TCF12: variants seen among roughly 807,000 people sequenced by gnomAD.
The protein encoded by TCF12 is transcription factor 12.
TCF12 carries 45 observed loss-of-function variants against 86.0 expected under a neutral mutation model. That is an observed-to-expected ratio of 0.52 (90% confidence interval 0.41 to 0.67). TCF12 has a LOEUF of 0.67. Among genes scored for constraint, TCF12 ranks in the 30% least tolerant of loss-of-function variants. The pLI, the probability that TCF12 is intolerant of heterozygous loss-of-function variation, is 0.00. For synonymous variants in TCF12, 330 were observed against 299.6 expected (o/e 1.10, Z -1.05); for missense variants, 881 against 859.9 (o/e 1.02, Z -0.31).
chr15:57,244,246 A>G (rs1381136872), intron 13 of TCF12, among the ~76,000 whole-genome samples: 2 of 152,218 alleles, frequency 1.3e-5, no homozygotes, highest in Admixed American at 1.3e-4. Context: ...AAGTACATGT[A>G]ACTTCCTCCT....
intron 5 of TCF12, among the ~76,000 whole-genome samples, chr15:57,130,733 T>C (rs1039837537): frequency 6.6e-6 from 1 of 152,208 alleles, no homozygotes; most frequent in Non-Finnish European, 1.5e-5. Context: ...TAATTATTAA[T>C]ATTAAATGAT....
intron 12 of TCF12, among the ~76,000 whole-genome samples, chr15:57,234,624 T>C (rs1186729237): frequency 2.6e-5 from 4 of 152,196 alleles, no homozygotes; most frequent in Non-Finnish European, 5.9e-5. Context: ...AGGAATCCGA[T>C]AGTATTTTCT....
chr15:57,251,379 C>G lies in TCF12; in HGVS notation c.1144C>G (p.Gln382Glu). 6.2e-7 allele frequency: 1 copy of G among 1,613,928 alleles called. No homozygotes were observed. The highest frequency in any genetic ancestry group is 1.1e-5 in the South Asian group (1 of 91,078). The change falls in exon 14 of 21, where the codon CAA (glutamine) becomes GAA (glutamate). Residue 382 changes from glutamine to glutamate, a missense_variant. Gln to Glu is a conservative substitution (Grantham distance 29). Around this residue, in one of 3 missense-constraint regions of TCF12, gnomAD observed 766 missense variants for 718.9 expected, o/e 1.07. Transcript: ENST00000333725. ...CAGTCAGTGGCCAAGACCTGGAGGG[C>G]AAGCACCTTCATCCCCAAGCTATGA... Reference protein sequence around the residue: ...GTSQWPRPGGQAPSSPSYENS... With the variant: ...GTSQWPRPGGEAPSSPSYENS...
intron 13 of TCF12, among the ~76,000 whole-genome samples, chr15:57,250,102 A>C (rs1359538851): frequency 1.3e-5 from 2 of 152,160 alleles, no homozygotes; most frequent in African/African-American, 4.8e-5. Context: ...AACATCTAAC[A>C]AGTTTTTATA....
chr15:57,251,256 T>A lies in TCF12; in HGVS notation c.1115-94T>A, dbSNP rs140741757. 289 of 1,016,648 alleles carry A rather than the reference T, an allele frequency of 2.8e-4. 1 individual carries two copies. In the African/African-American group the frequency reaches 4.2e-3, roughly 15 times the overall value. 63.0% of individuals were successfully genotyped at this position (1,016,648 alleles called of 1,614,324 possible). A position where few individuals can be genotyped will look rare whatever the true frequency, so the allele number is the denominator to read the frequency against. On this transcript the variant is annotated intron_variant, in intron 13 of 20. Transcript: ENST00000333725. ...CCAAACAAAAATATTCATGTAAATTTATTTAGTTATTGAGTATCTTTACCC... is the reference window on the plus strand; with the variant it reads ...CCAAACAAAAATATTCATGTAAATTAATTTAGTTATTGAGTATCTTTACCC...
At chr15:57,074,502 T>C (rs2069712093) in intron 4 of TCF12, among the ~76,000 whole-genome samples, 1 of 152,134 alleles carries the variant, frequency 6.6e-6, no homozygotes, top group Admixed American at 6.5e-5. Context: ...AAGAAGTTTG[T>C]TTGTTTGTTT....
At chr15:56,960,023 C>T (rs1044531920) in intron 3 of TCF12, among the ~76,000 whole-genome samples, 2 of 151,966 alleles carry the variant, frequency 1.3e-5, no homozygotes, top group African/African-American at 2.4e-5. Flanking sequence ...GTTAAAAAAC[C>T]GCAGTTACTT....
chr15:57,127,596 T>A (rs2051765487), intron 5 of TCF12, among the ~76,000 whole-genome samples: 1 of 152,234 alleles, frequency 6.6e-6, no homozygotes, highest in Non-Finnish European at 1.5e-5. Context: ...AGTTTGAGAA[T>A]GAGTTGACCA....
intron 3 of TCF12, among the ~76,000 whole-genome samples, chr15:56,934,940 T>C (rs142183641): frequency 2.0e-5 from 3 of 152,324 alleles, no homozygotes; most frequent in African/African-American, 7.2e-5. Flanking sequence ...AAGAAAATTT[T>C]GGGGCTTCTG....
chr15:57,258,665 G>T lies in TCF12; in HGVS notation c.1468-3429G>T, dbSNP rs377007066. 2.6e-5 allele frequency among the ~76,000 whole-genome samples: 4 copies of T among 152,230 alleles called. No individual in the cohort carries two copies. The East Asian group carries it at 7.7e-4, about 29-fold the overall frequency. On this transcript the variant is annotated intron_variant, in intron 16 of 20. Coordinates refer to ENST00000333725, the MANE Select transcript of TCF12 (RefSeq NM_207037.2). ...TTTTTTGGTATTGCTTGGGTTTTTT[G>T]TTGTTAAGGGGTGGTTGAAGAAGTG...
intron 3 of TCF12, among the ~76,000 whole-genome samples, chr15:56,975,493 T>G (rs1169792942): frequency 6.6e-6 from 1 of 152,186 alleles, no homozygotes; most frequent in Non-Finnish European, 1.5e-5. Context: ...GAAATTTCTT[T>G]TAGCAATTTC....
chr15:56,991,465 T>A (rs1379403795), intron 3 of TCF12, among the ~76,000 whole-genome samples: 4 of 152,228 alleles, frequency 2.6e-5, no homozygotes, highest in Non-Finnish European at 4.4e-5. Flanking sequence ...ATTTCTACAA[T>A]ATAAGGTTTT....
intron 5 of TCF12, among the ~76,000 whole-genome samples, chr15:57,112,961 T>A (rs1250627192): frequency 6.6e-6 from 1 of 152,254 alleles, no homozygotes; most frequent in African/African-American, 2.4e-5. Context: ...TTGAATACTT[T>A]AAGTTTCAAT....
intron 3 of TCF12, among the ~76,000 whole-genome samples, chr15:57,006,145 A>C (rs1263993156): frequency 2.6e-5 from 4 of 152,106 alleles, no homozygotes; most frequent in African/African-American, 9.7e-5. Context: ...CTCTTTTATG[A>C]TTTTTATTTC....
At chr15:57,232,618 T>G in intron 10 of TCF12, 94 bp from the exon 11 acceptor site, 2 of 1,467,422 alleles carry the variant, frequency 1.4e-6, no homozygotes, top group Non-Finnish European at 1.8e-6. Context: ...CTGTAACTTG[T>G]AAATGCTCTT....
At chr15:57,126,508 T>C (rs1361703946) in intron 5 of TCF12, among the ~76,000 whole-genome samples, 1 of 152,216 alleles carries the variant, frequency 6.6e-6, no homozygotes, top group Non-Finnish European at 1.5e-5. Flanking sequence ...TCATGCATAT[T>C]GCTTTAAGAA....
intron 7 of TCF12, among the ~76,000 whole-genome samples, chr15:57,193,494 T>G (rs536882418): frequency 2.6e-5 from 4 of 152,350 alleles, no homozygotes; most frequent in African/African-American, 9.6e-5. Flanking sequence ...ACAGCAAGCC[T>G]TAGGTATTCT....
chr15:57,124,521 C>G (rs2051486309), intron 5 of TCF12, among the ~76,000 whole-genome samples: 1 of 151,940 alleles, frequency 6.6e-6, no homozygotes, highest in Non-Finnish European at 1.5e-5. Context: ...TCCAGACTTC[C>G]CAGGTATTGC....
rs184778678 is a variant in TCF12 at position 57,125,035 on chromosome 15, G to A, written c.325+33144G>A. 6.6e-5 allele frequency among the ~76,000 whole-genome samples: 10 copies of A among 152,142 alleles called. No individual in the cohort carries two copies. The East Asian group carries it at 1.2e-3, about 18-fold the overall frequency. On this transcript the variant is annotated intron_variant, in intron 5 of 20. Transcript: ENST00000333725. Reference sequence around the variant, plus strand: ...TGATTATATTTCTTTTTCCGCGACCGCCGTTATGTCTAAGCATTGCCTTAG... The same window carrying A: ...TGATTATATTTCTTTTTCCGCGACCACCGTTATGTCTAAGCATTGCCTTAG...
Sources: allele counts gnomAD v4.1 joint callset (sites outside exome capture counted in the v4.1 genomes callset), GRCh38; gene constraint gnomAD v4.1.1; regional missense constraint gnomAD v4.1.1; transcripts MANE v1.5; gene names NCBI Gene and HGNC (gene_info 2026-07-23, HGNC 2026-07-21).